DAB1: variants seen among roughly 807,000 people sequenced by gnomAD.
DAB1 encodes disabled homolog 1.
DAB1 carries 15 observed loss-of-function variants against 64.6 expected under a neutral mutation model. That is an observed-to-expected ratio of 0.23 (90% CI 0.16 to 0.36). The LOEUF is 0.36. DAB1 is among the 10% of genes least tolerant of loss of function. The pLI is 1.00. For synonymous variants in DAB1, 235 were observed against 251.9 expected (o/e 0.93, Z 0.64); for missense variants, 596 against 706.7 (o/e 0.84, Z 1.78).
At chr1:58,065,914 G>T (rs1203076949) in intron 5 of DAB1, among the ~76,000 whole-genome samples, 1 of 152,186 alleles carries the variant, frequency 6.6e-6, no homozygotes, top group Non-Finnish European at 1.5e-5. Flanking sequence ...GGAAGGATCT[G>T]ACCTTGGGCA....
At chr1:58,007,268 C>T (rs778900035) in intron 5 of DAB1, among the ~76,000 whole-genome samples, 9 of 151,928 alleles carry the variant, frequency 5.9e-5, no homozygotes, top group Admixed American at 1.3e-4. Flanking sequence ...AATCTCAAGA[C>T]GCACAAAGAA....
intron 2 of DAB1, among the ~76,000 whole-genome samples, chr1:57,187,696 G>T (rs1663711430): frequency 6.6e-6 from 1 of 152,196 alleles, no homozygotes; most frequent in African/African-American, 2.4e-5. Flanking sequence ...GGGCTAAAAA[G>T]AGGTTAAGAA....
intron 4 of DAB1, among the ~76,000 whole-genome samples, chr1:57,080,464 T>C (rs1172446793): frequency 6.6e-6 from 1 of 152,224 alleles, no homozygotes; most frequent in Non-Finnish European, 1.5e-5. Context: ...TAATTTCTTT[T>C]AAATTTTCAT....
Position 58,385,287 on chromosome 1 carries a change from C to A in DAB1, n.258-41884G>T, listed in dbSNP as rs185944726. On this transcript the variant is annotated intron_variant and non_coding_transcript_variant, in intron 3 of 20. Transcript: ENST00000485760. ...CAACAAAGCTAAAGAGAAATTAATCCTCTCCTTTTATGTGCTTTCCTAGCT... is the reference window on the plus strand; with the variant it reads ...CAACAAAGCTAAAGAGAAATTAATCATCTCCTTTTATGTGCTTTCCTAGCT... Among the ~76,000 whole-genome samples the A allele has an allele frequency of 2.3e-3, 343 of 152,208 alleles. 2 individuals carry two copies. Among genetic ancestry groups the A allele is most frequent in the Middle Eastern group, 3.4e-3 (1 of 294 alleles).
chr1:57,140,486 C>A (rs1427757802), intron 3 of DAB1, among the ~76,000 whole-genome samples: 1 of 152,144 alleles, frequency 6.6e-6, no homozygotes, highest in Non-Finnish European at 1.5e-5. Context: ...TCTTTAAGAG[C>A]CCCTTTTTGG....
chr1:58,176,696 C>T (rs1449711933), intron 4 of DAB1, among the ~76,000 whole-genome samples: 1 of 152,126 alleles, frequency 6.6e-6, no homozygotes, highest in African/African-American at 2.4e-5. Context: ...AATCCCACCT[C>T]CAGCCGGGCG....
At chr1:58,182,125 A>G (rs1470854638) in intron 4 of DAB1, among the ~76,000 whole-genome samples, 1 of 151,942 alleles carries the variant, frequency 6.6e-6, no homozygotes, top group African/African-American at 2.4e-5. Flanking sequence ...TCCGGCCTCT[A>G]TTTCTAGTAG....
At chr1:57,854,609 C>T (rs1653674768) in intron 1 of DAB1, among the ~76,000 whole-genome samples, 2 of 152,218 alleles carry the variant, frequency 1.3e-5, no homozygotes, top group East Asian at 3.8e-4. Flanking sequence ...GTCTGTGCTG[C>T]CAATGCCCTT....
At chr1:58,518,656 GT>G (rs890299741) in intron 2 of DAB1, among the ~76,000 whole-genome samples, 42 of 151,220 alleles carry the variant, frequency 2.8e-4, no homozygotes, top group African/African-American at 9.0e-4. Context: ...GGACTCCAGG[GT>G]TTTTTTTCCA....
At chr1:57,949,171 G>T (rs527984030) in intron 5 of DAB1, among the ~76,000 whole-genome samples, 1 of 152,148 alleles carries the variant, frequency 6.6e-6, no homozygotes. Flanking sequence ...CATGGGGGGG[G>T]CTGGGGGGAT....
intron 3 of DAB1, among the ~76,000 whole-genome samples, chr1:58,349,331 G>C (rs1186129391): frequency 6.6e-6 from 1 of 152,196 alleles, no homozygotes; most frequent in Non-Finnish European, 1.5e-5. Flanking sequence ...GCATGAACCA[G>C]TGCATAGCGG....
intron 4 of DAB1, among the ~76,000 whole-genome samples, chr1:58,253,629 AT>A (rs1448541083): frequency 6.6e-6 from 1 of 152,358 alleles, no homozygotes; most frequent in East Asian, 1.9e-4. Flanking sequence ...ATTCACAAGA[AT>A]CCTTGAAGGG....
chr1:58,300,654 A>G (rs1355141104), intron 4 of DAB1, among the ~76,000 whole-genome samples: 8 of 81,356 alleles, frequency 9.8e-5, no homozygotes, highest in African/African-American at 1.7e-4. Flanking sequence ...GAGAGGAAGG[A>G]AGGAAGGAAG....
intron 7 of DAB1, among the ~76,000 whole-genome samples, chr1:57,497,994 T>C (rs889113675): frequency 3.9e-5 from 6 of 152,088 alleles, no homozygotes; most frequent in African/African-American, 1.4e-4. Flanking sequence ...GAAGCAACAG[T>C]GGTTTGTACA....
At chr1:57,112,173 C>T (rs1435143734) in intron 4 of DAB1, among the ~76,000 whole-genome samples, 2 of 152,116 alleles carry the variant, frequency 1.3e-5, no homozygotes, top group Non-Finnish European at 2.9e-5. Flanking sequence ...TTCAGCATTC[C>T]TTTATGTCTG....
chr1:58,054,894 C>T (rs1418035620), intron 5 of DAB1, among the ~76,000 whole-genome samples: 2 of 152,170 alleles, frequency 1.3e-5, no homozygotes, highest in Non-Finnish European at 2.9e-5. Flanking sequence ...GATGACAACC[C>T]GCTGTCAAGC....
intron 9 of DAB1, among the ~76,000 whole-genome samples, chr1:57,051,047 G>A (rs933384594): frequency 6.6e-6 from 1 of 152,200 alleles, no homozygotes; most frequent in Admixed American, 6.5e-5. Flanking sequence ...CATTGGAGGA[G>A]AGGCGAAACC....
chr1:58,216,327 G>A (rs1658851261), intron 4 of DAB1, among the ~76,000 whole-genome samples: 1 of 152,236 alleles, frequency 6.6e-6, no homozygotes, highest in South Asian at 2.1e-4. Context: ...ATGGTTTCTA[G>A]CTTCATCCAT....
intron 7 of DAB1, among the ~76,000 whole-genome samples, chr1:57,623,686 G>A (rs1000280229): frequency 2.6e-5 from 4 of 152,068 alleles, no homozygotes; most frequent in Non-Finnish European, 2.9e-5. Flanking sequence ...TTCTGTGGCC[G>A]GTCTGCAAAC....
Sources: gnomAD v4.1 joint callset for allele counts (sites outside exome capture counted in the v4.1 genomes callset) on GRCh38, gnomAD v4.1.1 for gene constraint, MANE v1.5 for transcripts, NCBI Gene and HGNC (gene_info 2026-07-23, HGNC 2026-07-21) for gene names.